OSBPL10: variants seen among roughly 807,000 people sequenced by gnomAD.
OSBPL10 encodes the protein oxysterol binding protein like 10.
OSBPL10 carries 49 observed loss-of-function variants against 81.7 expected under a neutral mutation model. The ratio of observed to expected loss-of-function variants is 0.60; its 90% CI spans 0.48 to 0.76. The LOEUF (loss-of-function observed/expected upper bound fraction) is 0.76. Among genes scored for constraint, OSBPL10 ranks in the 30% least tolerant of loss-of-function variants. The pLI is 0.00. For missense variants in OSBPL10, 923 were observed against 987.8 expected, an observed-to-expected ratio of 0.93 and a Z score of 0.88; for synonymous variants, 419 against 383.6, an observed-to-expected ratio of 1.09 and a Z score of -1.08.
At chr3:31,872,622 CTT>C (rs71097452) in intron 3 of OSBPL10, among the ~76,000 whole-genome samples, 29 of 127,794 alleles carry the variant, frequency 2.3e-4, no homozygotes, top group Admixed American at 4.0e-4. Flanking sequence ...AATTCAAAAG[CTT>C]TTTTTTTTTT....
chr3:31,920,851 G>A (rs1038583091), intron 1 of OSBPL10, among the ~76,000 whole-genome samples: 2 of 152,106 alleles, frequency 1.3e-5, no homozygotes, highest in Non-Finnish European at 2.9e-5. Flanking sequence ...CTCACCATGT[G>A]ATCCACTAGC....
At chr3:31,898,243 TTA>T (rs1696123666) in intron 1 of OSBPL10, among the ~76,000 whole-genome samples, 1 of 152,000 alleles carries the variant, frequency 6.6e-6, no homozygotes, top group Non-Finnish European at 1.5e-5. Context: ...TAATAATCCA[TTA>T]TATATTTTAA....
chr3:31,932,463 A>C (rs1334182233), intron 1 of OSBPL10, among the ~76,000 whole-genome samples: 1 of 152,238 alleles, frequency 6.6e-6, no homozygotes, highest in Non-Finnish European at 1.5e-5. Context: ...ACAATGTAAG[A>C]AGATATACAA....
chr3:31,778,764 T>A (rs1302389859), intron 4 of OSBPL10, among the ~76,000 whole-genome samples: 4 of 152,130 alleles, frequency 2.6e-5, no homozygotes, highest in Non-Finnish European at 5.9e-5. Flanking sequence ...CCCACAGTCA[T>A]CAGGTTATCT....
At chr3:31,742,424 TAAGGA>T (rs1697380574) in intron 5 of OSBPL10, among the ~76,000 whole-genome samples, 1 of 138,552 alleles carries the variant, frequency 7.2e-6, no homozygotes, top group Non-Finnish European at 1.6e-5. Context: ...AAGGATGAGT[TAAGGA>T]AAGTATATTA....
intron 1 of OSBPL10, among the ~76,000 whole-genome samples, chr3:31,964,265 TC>T (rs1698250737): frequency 6.6e-6 from 1 of 152,172 alleles, no homozygotes; most frequent in South Asian, 2.1e-4. Context: ...CAAGCAATTC[TC>T]CTGCCTCAGG....
intron 1 of OSBPL10, among the ~76,000 whole-genome samples, chr3:31,917,650 G>C (rs559835803): frequency 6.7e-6 from 1 of 148,476 alleles, no homozygotes; most frequent in Admixed American, 6.9e-5. Context: ...AGATAGGAAG[G>C]AGCACCTTGG....
chr3:31,971,139 CTTTTTTTTT>C (rs56785817), intron 1 of OSBPL10, among the ~76,000 whole-genome samples: 11 of 119,358 alleles, frequency 9.2e-5, no homozygotes, highest in Non-Finnish European at 1.9e-4. Context: ...TTTCTTTTTT[CTTTTTTTTT>C]TTTTTTTTTT....
rs1301695114 is a variant in OSBPL10 at position 31,662,119 on chromosome 3, G to A, written c.2251-3C>T. ...TTGAAGTATACCCAGCCATCGCCCT[G>A]CAAGAGAAGAAAGGAGGCATTATTA... On this transcript the variant is annotated splice_region_variant and splice_polypyrimidine_tract_variant and intron_variant, in intron 11 of 11. Transcript: ENST00000396556. The A allele has an allele frequency of 3.1e-6, 5 of 1,613,920 alleles. No individual in the cohort carries two copies. The highest frequency in any genetic ancestry group is 1.1e-5 in the South Asian group (1 of 91,056).
intron 4 of OSBPL10, among the ~76,000 whole-genome samples, chr3:31,800,641 C>T (rs935052059): frequency 4.6e-5 from 7 of 152,206 alleles, no homozygotes; most frequent in Non-Finnish European, 1.0e-4. Flanking sequence ...CATGAAACTA[C>T]CCAAGGCTAC....
At chr3:31,691,328 A>C (rs1484666008) in intron 7 of OSBPL10, among the ~76,000 whole-genome samples, 2 of 152,150 alleles carry the variant, frequency 1.3e-5, no homozygotes, top group Non-Finnish European at 2.9e-5. Context: ...GGGGAAGGCG[A>C]AGGACACTTG....
At chr3:31,741,043 G>A (rs577864839) in intron 5 of OSBPL10, among the ~76,000 whole-genome samples, 2 of 152,206 alleles carry the variant, frequency 1.3e-5, no homozygotes, top group African/African-American at 4.8e-5. Flanking sequence ...ATCTATCCTT[G>A]GCCTTATTTT....
rs578208762 is a variant in OSBPL10 at position 32,073,307 on chromosome 3, T to C, written n.185+4089A>G. Among the ~76,000 whole-genome samples the C allele has an allele frequency of 2.4e-4, 37 of 152,300 alleles. 1 individual carries two copies. The East Asian group carries it at 7.1e-3, about 29-fold the overall frequency. Reference sequence around the variant, plus strand: ...TGCCTACTCCAGATTCCCAGCCATATGAAGACACCCTAGCTGGACGATCAG... The same window carrying C: ...TGCCTACTCCAGATTCCCAGCCATACGAAGACACCCTAGCTGGACGATCAG... On this transcript the variant is annotated intron_variant and non_coding_transcript_variant, in intron 1 of 3. Transcript: ENST00000479173.
At chr3:31,886,127 T>C (rs1695731209) in intron 1 of OSBPL10, among the ~76,000 whole-genome samples, 1 of 151,826 alleles carries the variant, frequency 6.6e-6, no homozygotes. Context: ...ATTACAAACA[T>C]GCATGAAAAA....
At position 31,886,938 on chromosome 3, in the gene OSBPL10, CAA is replaced by C. The variant is rs5847726; in HGVS notation, c.282-7110_282-7109del. 4.8e-3 allele frequency among the ~76,000 whole-genome samples: 689 copies of C among 142,190 alleles called. 5 individuals carry two copies. Among genetic ancestry groups the C allele is most frequent in the African/African-American group, 0.016 (639 of 39,040 alleles). 93.3% of individuals were successfully genotyped at this position (142,190 alleles called of 152,430 possible). On this transcript the variant is annotated intron_variant, in intron 1 of 11. Transcript: ENST00000396556. ...TGGGTGACAGAGTGAGACTCCATCT[CAA>C]AAAAAAAAAAGAAAACCCTTCTCCA...
chr3:31,869,433 G>A (rs1701264755), intron 3 of OSBPL10, among the ~76,000 whole-genome samples: 1 of 152,144 alleles, frequency 6.6e-6, no homozygotes, highest in Admixed American at 6.5e-5. Context: ...TGTATAATAA[G>A]CTTACATCCC....
At chr3:31,683,571 C>T in intron 8 of OSBPL10, 63 bp downstream of exon 8, 3 of 1,541,022 alleles carry the variant, frequency 1.9e-6, no homozygotes, top group Non-Finnish European at 2.6e-6. Context: ...AATTATCAAT[C>T]ATCTACCAGG....
intron 1 of OSBPL10, among the ~76,000 whole-genome samples, chr3:31,885,850 C>A (rs1695719377): frequency 1.4e-5 from 2 of 143,850 alleles, no homozygotes; most frequent in Admixed American, 1.4e-4. Flanking sequence ...AAAAAATTAG[C>A]CTGGCATGGT....
chr3:31,937,233 G>A (rs1175757599), intron 1 of OSBPL10, among the ~76,000 whole-genome samples: 5 of 150,458 alleles, frequency 3.3e-5, no homozygotes, highest in Non-Finnish European at 5.9e-5. Context: ...GCAGTGATCC[G>A]AGATTGCGCC....
Sources: allele counts gnomAD v4.1 joint callset (sites outside exome capture counted in the v4.1 genomes callset), GRCh38; gene constraint gnomAD v4.1.1; transcripts MANE v1.5; gene names NCBI Gene and HGNC (gene_info 2026-07-23, HGNC 2026-07-21).